ARID1B: variants seen among roughly 807,000 people sequenced by gnomAD.
ARID1B encodes the protein AT-rich interaction domain 1B, also known as AT-rich interactive domain-containing protein 1B.
ARID1B carries 30 observed loss-of-function variants against 212.3 expected under a neutral mutation model. The observed-to-expected ratio is 0.14, with a 90% confidence interval of 0.11 to 0.19. The LOEUF (loss-of-function observed/expected upper bound fraction) is 0.19. ARID1B is among the 10% of genes least tolerant of loss of function. The probability of loss-of-function intolerance (pLI) is 1.00; values close to 1 mark genes in which losing one functional copy is unlikely to be tolerated. For missense variants in ARID1B, 2,891 were observed against 3,204.0 expected, an observed-to-expected ratio of 0.90 and a Z score of 2.36; for synonymous variants, 1,402 against 1,301.7, an observed-to-expected ratio of 1.08 and a Z score of -1.66.
intron 4 of ARID1B, among the ~76,000 whole-genome samples, chr6:156,972,396 C>A (rs1039096741): frequency 6.6e-6 from 1 of 152,166 alleles, no homozygotes; most frequent in African/African-American, 2.4e-5. Context: ...ACGAGCTGTC[C>A]ACTTTATCCC....
rs140027982 is a variant in ARID1B at position 157,184,981 on chromosome 6, C to A, written c.3919+546C>A. 5.9e-3 allele frequency: 942 copies of A among 160,784 alleles called. 10 individuals carry two copies. The highest frequency in any genetic ancestry group is 0.022 in the African/African-American group (899 of 41,606). 10.0% of individuals were successfully genotyped at this position (160,784 alleles called of 1,614,324 possible). On this transcript the variant is annotated intron_variant, in intron 13 of 19. Coordinates refer to ENST00000636930, the MANE Select transcript of ARID1B (RefSeq NM_001374828.1). ...CAAGCTGTCGTGGTAAGGATCCACA[C>A]GGCCTTGTTTTGGAAACAGGTGGTC...
At chr6:157,154,360 G>T (rs1353950080) in intron 8 of ARID1B, among the ~76,000 whole-genome samples, 1 of 152,138 alleles carries the variant, frequency 6.6e-6, no homozygotes, top group Non-Finnish European at 1.5e-5. Flanking sequence ...AGCTAATACT[G>T]TGTTCATAAG....
chr6:157,198,692 C>T (rs879642950), intron 16 of ARID1B, 119 bp from the exon 17 acceptor site: 46 of 751,168 alleles, frequency 6.1e-5, no homozygotes, highest in Admixed American at 1.0e-4. Flanking sequence ...CGGAGGGGTG[C>T]GCAGTAAAAG....
intron 5 of ARID1B, among the ~76,000 whole-genome samples, chr6:157,099,240 G>A (rs1411037378): frequency 6.6e-6 from 1 of 152,146 alleles, no homozygotes; most frequent in East Asian, 1.9e-4. Flanking sequence ...GAGCCATTGC[G>A]CTGGGCCAAC....
intron 4 of ARID1B, among the ~76,000 whole-genome samples, chr6:156,959,925 CTTTTT>C (rs138881152): frequency 8.2e-6 from 1 of 122,576 alleles, no homozygotes; most frequent in Non-Finnish European, 1.7e-5. Context: ...TTGTCAGCTT[CTTTTT>C]TTTTTTTTTT....
At position 157,207,635 on chromosome 6, in the gene ARID1B, A is replaced by G. The variant is rs1794566743; in HGVS notation, c.6863A>G (p.Asp2288Gly). 1 of 1,613,938 alleles carries G rather than the reference A, an allele frequency of 6.2e-7. No homozygotes were observed. The highest frequency in any genetic ancestry group is 1.1e-5 in the South Asian group (1 of 91,074). The change falls in exon 20 of 20, where the codon GAT becomes GGT. Residue 2288 changes from aspartate to glycine, a missense_variant. Asp to Gly is a moderately conservative substitution (Grantham distance 94). Around this residue, in one of 7 missense-constraint regions of ARID1B, gnomAD observed 187 missense variants for 306.5 expected, o/e 0.61. Coordinates refer to ENST00000636930, the MANE Select transcript of ARID1B (RefSeq NM_001374828.1). The surrounding 1 kb of genome is among the most constrained non-coding windows in gnomAD (Gnocchi z 8.5). ...GGAAACTTGATAAGCTTCCTAGAGG[A>G]TGGGGTCACGATGGCCCAGTACCAG... ...SIGNLISFLE[D>G]GVTMAQYQQS...
rs1467046995 is a variant in ARID1B, at chr6:156,778,595, C to T, written c.915C>T (p.Gly305=). The change falls in exon 1 of 20, where the codon GGC becomes GGT. Residue 305 remains glycine, a synonymous_variant. Coordinates refer to ENST00000636930, the MANE Select transcript of ARID1B (RefSeq NM_001374828.1). ...CGGTCGCCGTGCCCGGGGGCGGCGG[C>T]GGCCCGGCGGCCGTCCCGGAGTTTA... is the stretch of plus-strand genomic sequence containing the variant. The part of the protein sequence containing the change: ...QPPVAVPGGG[G]GPAAVPEFNN... 1 of 1,285,672 alleles carries T rather than the reference C, an allele frequency of 7.8e-7. No homozygotes were observed. Among genetic ancestry groups the T allele is most frequent in the Non-Finnish European group, 9.8e-7 (1 of 1,018,712 alleles). The allele number at this position is 1,285,672 out of a possible 1,614,324, so 79.6% of individuals were successfully genotyped here. A position where few individuals can be genotyped will look rare whatever the true frequency, so the allele number is the denominator to read the frequency against.
At chr6:156,923,630 A>C (rs1470227763) in intron 3 of ARID1B, among the ~76,000 whole-genome samples, 1 of 152,094 alleles carries the variant, frequency 6.6e-6, no homozygotes, top group East Asian at 1.9e-4. Context: ...ATGTAGAATT[A>C]TTAGCAGCTG....
At chr6:157,015,510 T>C (rs541533605) in intron 4 of ARID1B, among the ~76,000 whole-genome samples, 3 of 152,312 alleles carry the variant, frequency 2.0e-5, no homozygotes, top group Non-Finnish European at 2.9e-5. Flanking sequence ...ATATCTGATA[T>C]TCTCCTGGGT....
rs1778726001 is a variant in ARID1B at position 156,777,763 on chromosome 6, C to T, written c.83C>T (p.Pro28Leu). ...GCAGGCAGCGGCGAACGGCGGGCGCCCCCCGGGCCGCGGCCGGCGCCCGGA... is the reference window on the plus strand; with the variant it reads ...GCAGGCAGCGGCGAACGGCGGGCGCTCCCCGGGCCGCGGCCGGCGCCCGGA... ...ARAGSGERRA[P>L]PGPRPAPGAR... Residue 28 changes from proline to leucine, a missense_variant, in exon 1 of 20, where the codon CCC becomes CTC. By Grantham distance (98) the Pro-to-Leu change is moderately conservative (BLOSUM62 -3). Around this residue, in one of 7 missense-constraint regions of ARID1B, gnomAD observed 1,643 missense variants for 1,544.0 expected, o/e 1.06. Transcript: ENST00000636930. 1 of 672,410 alleles carries T rather than the reference C, an allele frequency of 1.5e-6. No homozygotes were observed. Among genetic ancestry groups the T allele is most frequent in the Non-Finnish European group, 1.8e-6 (1 of 548,782 alleles). 41.7% of individuals were successfully genotyped at this position (672,410 alleles called of 1,614,324 possible).
rs188178777 is a variant in ARID1B, at chr6:157,154,674, G to T, written c.3089+5723G>T. Reference sequence around the variant, plus strand: ...GGCTCACTGCAACCTCCGCCTCCTGGTTCAAGTGATTCTCCTGCCTCAGCC... The same window carrying T: ...GGCTCACTGCAACCTCCGCCTCCTGTTTCAAGTGATTCTCCTGCCTCAGCC... On this transcript the variant is annotated intron_variant, in intron 8 of 19. Transcript: ENST00000636930. 3.3e-3 allele frequency among the ~76,000 whole-genome samples: 493 copies of T among 150,396 alleles called. 1 individual carries two copies. The highest frequency in any genetic ancestry group is 5.7e-3 in the Non-Finnish European group (387 of 67,848).
intron 4 of ARID1B, among the ~76,000 whole-genome samples, chr6:156,962,267 C>T (rs1217694257): frequency 6.6e-6 from 1 of 152,084 alleles, no homozygotes; most frequent in African/African-American, 2.4e-5. Flanking sequence ...CCACTGCACT[C>T]CAGCCTGGGC....
chr6:157,122,081 G>A (rs1375233171), intron 6 of ARID1B, among the ~76,000 whole-genome samples: 2 of 152,160 alleles, frequency 1.3e-5, no homozygotes, highest in African/African-American at 4.8e-5. Flanking sequence ...TTACCACTGG[G>A]TCTCAAGCAC....
At chr6:156,966,386 CTTTTTT>C (rs1214987532) in intron 4 of ARID1B, among the ~76,000 whole-genome samples, 46 of 38,910 alleles carry the variant, frequency 1.2e-3, no homozygotes, top group African/African-American at 3.1e-3. Context: ...CTTTTCTTTT[CTTTTTT>C]TTTTTTTTTT....
At chr6:157,071,931 T>A (rs2128432401) in intron 4 of ARID1B, 1 of 152,318 alleles carries the variant, frequency 6.6e-6, no homozygotes, top group Admixed American at 6.5e-5. Flanking sequence ...AAAATCGGAT[T>A]TTTCAGAAGT....
chr6:156,814,177 A>G (rs937490000), intron 1 of ARID1B, among the ~76,000 whole-genome samples: 1 of 152,154 alleles, frequency 6.6e-6, no homozygotes, highest in African/African-American at 2.4e-5. Flanking sequence ...GCACTTTGGG[A>G]GGCTGAGGTA....
intron 3 of ARID1B, among the ~76,000 whole-genome samples, chr6:156,930,105 A>C (rs559381730): frequency 6.6e-6 from 1 of 152,316 alleles, no homozygotes; most frequent in East Asian, 1.9e-4. Context: ...AAATGTAGCA[A>C]TCTGATACAG....
intron 4 of ARID1B, among the ~76,000 whole-genome samples, chr6:157,062,981 A>G (rs916493691): frequency 3.3e-5 from 5 of 152,096 alleles, no homozygotes; most frequent in Non-Finnish European, 7.4e-5. Flanking sequence ...CTGGGATTAC[A>G]GCCGTGAGCC....
intron 3 of ARID1B, among the ~76,000 whole-genome samples, chr6:156,934,880 T>G (rs1792033523): frequency 7.4e-6 from 1 of 134,628 alleles, no homozygotes; most frequent in Admixed American, 7.9e-5. Flanking sequence ...ATACAGTACT[T>G]GGTATGGTCT....
Sources: allele counts gnomAD v4.1 joint callset (sites outside exome capture counted in the v4.1 genomes callset), GRCh38; gene constraint gnomAD v4.1.1; regional missense constraint gnomAD v4.1.1; non-coding constraint Gnocchi (gnomAD v3.1); transcripts MANE v1.5; gene names NCBI Gene and HGNC (gene_info 2026-07-23, HGNC 2026-07-21).